LPCAT2: variants seen among roughly 807,000 people sequenced by gnomAD.
LPCAT2 encodes the protein lysophosphatidylcholine acyltransferase 2.
A neutral mutation model predicts 64.7 loss-of-function variants in LPCAT2; 58 were observed. The ratio of observed to expected loss-of-function variants is 0.90; its 90% CI spans 0.73 to 1.12. The LOEUF is 1.12. LPCAT2 is among the 50% of genes most tolerant of loss of function. LPCAT2 has a pLI of 0.00. For synonymous variants in LPCAT2, 252 were observed against 245.3 expected, an observed-to-expected ratio of 1.03 and a Z score of -0.26; for missense variants, 579 against 669.8, an observed-to-expected ratio of 0.86 and a Z score of 1.50.
intron 9 of LPCAT2, 60 bp from the exon 10 acceptor site, chr16:55,549,217 A>G: frequency 2.2e-6 from 3 of 1,388,366 alleles, no homozygotes; most frequent in Non-Finnish European, 2.9e-6. Flanking sequence ...AGCCTAGTGA[A>G]ATATGATTAC....
chr16:55,554,000 C>T (rs920951818), intron 11 of LPCAT2, among the ~76,000 whole-genome samples: 3 of 152,136 alleles, frequency 2.0e-5, no homozygotes, highest in Admixed American at 6.5e-5. Flanking sequence ...TTTTCCTGAG[C>T]AGTAGGTCTC....
At chr16:55,545,652 T>C (rs1443708484) in intron 8 of LPCAT2, 83 bp from the exon 9 acceptor site, 8 of 856,544 alleles carry the variant, frequency 9.3e-6, no homozygotes, top group Non-Finnish European at 1.5e-5. Context: ...ATTCAATATA[T>C]TGATAATGTA....
At chr16:55,558,224 C>G (rs1053350864) in intron 11 of LPCAT2, among the ~76,000 whole-genome samples, 4 of 152,224 alleles carry the variant, frequency 2.6e-5, no homozygotes, top group Non-Finnish European at 4.4e-5. Flanking sequence ...TGCCAGCACA[C>G]TTGAAGGGAT....
At chr16:55,565,927 T>C (rs1302714630) in intron 11 of LPCAT2, among the ~76,000 whole-genome samples, 1 of 152,196 alleles carries the variant, frequency 6.6e-6, no homozygotes, top group Non-Finnish European at 1.5e-5. Flanking sequence ...TGAAAGAGTC[T>C]GTACTGTCTG....
At position 55,509,324 on chromosome 16, in the gene LPCAT2, C is replaced by A. The variant is rs753281818; in HGVS notation, c.143C>A (p.Thr48Lys). The A allele has an allele frequency of 2.0e-6, 3 of 1,468,070 alleles. No homozygotes were observed. The highest frequency in any genetic ancestry group is 1.4e-5 in the South Asian group (1 of 72,794). The allele number at this position is 1,468,070 out of a possible 1,614,324, so 90.9% of individuals were successfully genotyped here. The change falls in exon 1 of 14, where the codon ACG (threonine) becomes AAG (lysine). Residue 48 changes from threonine (T) to lysine (K), a missense_variant. Thr to Lys is a moderately conservative substitution (Grantham distance 78). Transcript: ENST00000262134. The part of the protein sequence containing the change: ...PPVPNPFVQQ[T>K]QIGSARRVQI... Reference sequence around the variant, plus strand: ...GTGCCGAACCCCTTCGTGCAGCAGACGCAGATCGGCTCCGCGAGGCGGGTC... The same window carrying A: ...GTGCCGAACCCCTTCGTGCAGCAGAAGCAGATCGGCTCCGCGAGGCGGGTC...
At chr16:55,544,814 GT>G (rs1490953003) in intron 8 of LPCAT2, among the ~76,000 whole-genome samples, 1 of 151,690 alleles carries the variant, frequency 6.6e-6, no homozygotes, top group Non-Finnish European at 1.5e-5. Flanking sequence ...GAAAATAAGG[GT>G]TTTTTTTGAA....
In LPCAT2 at chr16:55,579,206, T is replaced by G. The variant is rs147797312; in HGVS notation, c.1412T>G (p.Leu471Arg). Reference protein sequence around the residue: ...LGVPDLDVSGLFKEIAQGDSI... With the variant: ...LGVPDLDVSGRFKEIAQGDSI... ...GTGCCTGACCTTGATGTTTCTGGTC[T>G]CTTCAAGGAAATAGCCCAAGGGGAC... is the stretch of plus-strand genomic sequence containing the variant. Residue 471 changes from leucine to arginine, a missense_variant, in exon 13 of 14, where the codon CTC becomes CGC. Coordinates refer to ENST00000262134, the MANE Select transcript of LPCAT2 (RefSeq NM_017839.5). 1,039 of 1,613,442 alleles carry G rather than the reference T, an allele frequency of 6.4e-4. 2 individuals are homozygous for G. The highest frequency in any genetic ancestry group is 6.9e-4 in the Non-Finnish European group (817 of 1,179,600).
At chr16:55,520,635 A>G (rs1458218624) in intron 1 of LPCAT2, among the ~76,000 whole-genome samples, 2 of 151,996 alleles carry the variant, frequency 1.3e-5, no homozygotes, top group Non-Finnish European at 2.9e-5. Flanking sequence ...AATAAATACC[A>G]AAAGTTTGAA....
rs555978656 is a variant in LPCAT2 at position 55,551,190 on chromosome 16, A to G, written c.1215+88A>G. The stretch of plus-strand genomic sequence containing the variant: ...TGGTAGGCAATTTGAAAAACTTGAT[A>G]GGTCAGTGTTAGAAGAATCAAGGCT... On this transcript the variant is annotated intron_variant, in intron 11 of 13. Transcript: ENST00000262134. 3.2e-6 allele frequency: 4 copies of G among 1,248,860 alleles called. No individual in the cohort carries two copies. In the African/African-American group the frequency reaches 4.5e-5, roughly 14 times the overall value. The allele number at this position is 1,248,860 out of a possible 1,614,324, so 77.4% of individuals were successfully genotyped here.
rs1379913066 is a variant in LPCAT2, at chr16:55,519,036, A to T, written c.172-6472A>T. On this transcript the variant is annotated intron_variant, in intron 1 of 13. Transcript: ENST00000262134. ...ATTTGCAAATTATACATTTGATAAG[A>T]GTAGAGTGTTCAAAACATATAAATA... 2.0e-5 allele frequency among the ~76,000 whole-genome samples: 3 copies of T among 152,214 alleles called. No homozygotes were observed. The East Asian group carries it at 5.8e-4, about 29-fold the overall frequency.
At chr16:55,555,212 T>G (rs1963561170) in intron 11 of LPCAT2, among the ~76,000 whole-genome samples, 2 of 152,222 alleles carry the variant, frequency 1.3e-5, no homozygotes, top group South Asian at 4.1e-4. Context: ...TGAAGTGCAG[T>G]AAAGCAAAGA....
At chr16:55,517,762 C>G (rs1205476647) in intron 1 of LPCAT2, among the ~76,000 whole-genome samples, 1 of 152,122 alleles carries the variant, frequency 6.6e-6, no homozygotes, top group African/African-American at 2.4e-5. Context: ...CGATTTGACT[C>G]ACTTTCATGA....
At chr16:55,536,677 A>G (rs1963328131) in intron 7 of LPCAT2, among the ~76,000 whole-genome samples, 1 of 152,152 alleles carries the variant, frequency 6.6e-6, no homozygotes, top group Non-Finnish European at 1.5e-5. Flanking sequence ...AACAGTGAAA[A>G]GAGATTGGTT....
At chr16:55,532,932 C>T (rs1206395537) in intron 6 of LPCAT2, 50 bp downstream of exon 6, 2 of 1,463,414 alleles carry the variant, frequency 1.4e-6, no homozygotes, top group Non-Finnish European at 1.9e-6. Flanking sequence ...CCAAGTAGCA[C>T]AGATTCTCTG....
intron 12 of LPCAT2, among the ~76,000 whole-genome samples, chr16:55,577,086 G>A (rs1351504478): frequency 9.2e-5 from 14 of 152,134 alleles, no homozygotes; most frequent in African/African-American, 3.4e-4. Flanking sequence ...AGTCCAAGGC[G>A]CATGAAGAGC....
At chr16:55,520,736 A>T (rs1402455100) in intron 1 of LPCAT2, among the ~76,000 whole-genome samples, 1 of 151,984 alleles carries the variant, frequency 6.6e-6, no homozygotes, top group African/African-American at 2.4e-5. Flanking sequence ...TTAGAAATCA[A>T]GCTATATACT....
chr16:55,509,311 T>C lies in LPCAT2; in HGVS notation c.130T>C (p.Phe44Leu). The C allele has an allele frequency of 1.3e-6, 2 of 1,502,728 alleles. No individual in the cohort carries two copies. Among genetic ancestry groups the C allele is most frequent in the Non-Finnish European group, 1.8e-6 (2 of 1,117,398 alleles). 93.1% of individuals were successfully genotyped at this position (1,502,728 alleles called of 1,614,324 possible). The change falls in exon 1 of 14, where the codon TTC (phenylalanine) becomes CTC (leucine). Residue 44 changes from phenylalanine to leucine, a missense_variant. Physicochemically the swap from Phe to Leu is conservative, Grantham distance 22. Coordinates refer to ENST00000262134, the MANE Select transcript of LPCAT2 (RefSeq NM_017839.5). ...SFFPPPVPNPFVQQTQIGSAR... is the reference protein window; with the variant it reads ...SFFPPPVPNPLVQQTQIGSAR... ...CTTCCCGCCGCCGGTGCCGAACCCCTTCGTGCAGCAGACGCAGATCGGCTC... is the reference window on the plus strand; with the variant it reads ...CTTCCCGCCGCCGGTGCCGAACCCCCTCGTGCAGCAGACGCAGATCGGCTC...
At chr16:55,571,345 A>G (rs1411781713) in intron 11 of LPCAT2, among the ~76,000 whole-genome samples, 1 of 152,124 alleles carries the variant, frequency 6.6e-6, no homozygotes, top group African/African-American at 2.4e-5. Flanking sequence ...GACTAAGCAG[A>G]TGAAAGGTGC....
chr16:55,528,503 T>C lies in LPCAT2; in HGVS notation c.438T>C (p.His146=). ...LEAPVFVAAP[H]STFFDGIACV... ...CACCAGTTTTTGTTGCTGCCCCTCA[T>C]TCAACATTCTTTGATGGAATTGCCT... Residue 146 remains histidine, a synonymous_variant, in exon 3 of 14, where the codon CAT becomes CAC. Transcript: ENST00000262134. 6.2e-7 allele frequency: 1 copy of C among 1,614,076 alleles called. No homozygotes were observed. The highest frequency in any genetic ancestry group is 8.5e-7 in the Non-Finnish European group (1 of 1,179,952).
Sources: allele counts gnomAD v4.1 joint callset (sites outside exome capture counted in the v4.1 genomes callset), GRCh38; gene constraint gnomAD v4.1.1; transcripts MANE v1.5; gene names NCBI Gene and HGNC (gene_info 2026-07-23, HGNC 2026-07-21).